The following SFTPC variants were observed in gnomAD, a reference collection of about 807,000 sequenced individuals.
SFTPC encodes surfactant protein C, also known as BRICHOS domain containing 6.
A neutral mutation model predicts 19.9 loss-of-function variants in SFTPC; 12 were observed. The observed-to-expected ratio is 0.60, with a 90% CI of 0.39 to 0.98. SFTPC has a LOEUF of 0.98. SFTPC is among the 50% of genes least tolerant of loss of function. The pLI, the probability that SFTPC is intolerant of heterozygous loss-of-function variation, is 0.00. For synonymous variants in SFTPC, 123 were observed against 103.3 expected (o/e 1.19, Z -1.16); for missense variants, 219 against 252.2 (o/e 0.87, Z 0.89).
chr8:22,162,939 C>A, intron 2 of SFTPC, 141 bp from the exon 3 acceptor site: 2 of 1,379,156 alleles, frequency 1.5e-6, no homozygotes, highest in South Asian at 1.2e-5. Flanking sequence ...CAGCTCCCTC[C>A]AGCACCTGGT....
At chr8:22,158,161 G>A (rs538939424), upstream of SFTPC, among the ~76,000 whole-genome samples, 7 of 152,294 alleles carry the variant, frequency 4.6e-5, no homozygotes, top group African/African-American at 1.7e-4. Context: ...TCCAGGGAAC[G>A]AAGACCACTG....
intron 2 of SFTPC, 58 bp from the exon 3 acceptor site, chr8:22,163,022 G>A: frequency 1.2e-6 from 2 of 1,609,746 alleles, no homozygotes; most frequent in Non-Finnish European, 1.7e-6. Context: ...TATGGGGATG[G>A]GTACCACTGG....
chr8:22,163,452 A>G lies in SFTPC; in HGVS notation c.341A>G (p.Lys114Arg). 1 of 1,614,042 alleles carries G rather than the reference A, an allele frequency of 6.2e-7. No individual in the cohort carries two copies. Among genetic ancestry groups the G allele is most frequent in the Non-Finnish European group, 8.5e-7 (1 of 1,179,954 alleles). ...TGTGCCTAGCTGCTGATCGCCTACA[A>G]GCCAGCCCCTGGCACCTGCTGCTAC... ...YDYQQLLIAY[K>R]PAPGTCCYIM... The change falls in exon 4 of 6, where the codon AAG (lysine) becomes AGG (arginine). Residue 114 changes from lysine to arginine, a missense_variant. Lys to Arg is a conservative substitution (Grantham distance 26, BLOSUM62 2). Coordinates refer to ENST00000679463, the MANE Select transcript of SFTPC (RefSeq NM_001317778.2).
At chr8:22,161,725 A>G, upstream of SFTPC, 2 of 1,611,480 alleles carry the variant, frequency 1.2e-6, no homozygotes, top group Non-Finnish European at 1.7e-6. Context: ...GCTGGCACAC[A>G]GGGGGCTTGG....
upstream of SFTPC, chr8:22,161,578 C>A: frequency 8.5e-7 from 1 of 1,169,820 alleles, no homozygotes; most frequent in Non-Finnish European, 1.2e-6. Flanking sequence ...TTGCTCAACT[C>A]ACCCAGGTTT....
At chr8:22,158,383 C>T (rs757545679), upstream of SFTPC, among the ~76,000 whole-genome samples, 23 of 152,286 alleles carry the variant, frequency 1.5e-4, no homozygotes, top group Middle Eastern at 3.4e-3. Context: ...TGTCCCCACC[C>T]GTCCCTGGCA....
At chr8:22,163,850 A>C in intron 4 of SFTPC, 51 bp from the exon 5 acceptor site, 1 of 1,509,638 alleles carries the variant, frequency 6.6e-7, no homozygotes, top group Non-Finnish European at 9.2e-7. Flanking sequence ...TAAGGGCTGC[A>C]CATGGGATAG....
intron 5 of SFTPC, 43 bp downstream of exon 5, chr8:22,164,102 G>A: frequency 6.2e-7 from 1 of 1,610,016 alleles, no homozygotes; most frequent in Non-Finnish European, 8.5e-7. Flanking sequence ...GGAGCGCTCG[G>A]GCCACCTGCC....
At chr8:22,158,721 A>G (rs544481879), upstream of SFTPC, 5 of 152,360 alleles carry the variant, frequency 3.3e-5, no homozygotes, top group South Asian at 1.0e-3. Flanking sequence ...AGATGAACAT[A>G]CTAATGCCTA....
upstream of SFTPC, chr8:22,158,710 C>T (rs1470301025): frequency 6.6e-6 from 1 of 152,238 alleles, no homozygotes; most frequent in Admixed American, 6.5e-5. Context: ...ACCCATCTCA[C>T]AGATGAACAT....
upstream of SFTPC, chr8:22,159,422 G>A (rs889153515): frequency 1.0e-4 from 31 of 297,640 alleles, no homozygotes; most frequent in African/African-American, 7.1e-4. Flanking sequence ...GGTAGGGGGA[G>A]GGGGAAATTT....
At chr8:22,159,887 G>A (rs1827645638), upstream of SFTPC, 2 of 1,268,028 alleles carry the variant, frequency 1.6e-6, no homozygotes, top group South Asian at 1.2e-5. Context: ...AATGTTGCCA[G>A]GATGATGGGG....
upstream of SFTPC, chr8:22,161,619 C>G: frequency 1.3e-6 from 2 of 1,495,270 alleles, no homozygotes; most frequent in Non-Finnish European, 1.8e-6. Context: ...GACTCATGTG[C>G]CAGGGCCAAG....
upstream of SFTPC, among the ~76,000 whole-genome samples, chr8:22,161,253 A>T (rs1270163335): frequency 2.6e-5 from 4 of 152,106 alleles, no homozygotes; most frequent in Non-Finnish European, 4.4e-5. Flanking sequence ...GAGTACTTGA[A>T]GTTGGAACTG....
At chr8:22,163,278 T>C in intron 3 of SFTPC, 76 bp downstream of exon 3, 3 of 1,593,724 alleles carry the variant, frequency 1.9e-6, no homozygotes, top group Non-Finnish European at 1.7e-6. Context: ...GGCCACTTCA[T>C]CCACATCCAT....
intron 2 of SFTPC, 125 bp downstream of exon 2, chr8:22,162,857 G>A (rs1827811158): frequency 1.4e-6 from 2 of 1,415,474 alleles, no homozygotes; most frequent in East Asian, 2.3e-5. Flanking sequence ...CAGCTAGAAG[G>A]AAAGAGGCAC....
chr8:22,163,564 A>T lies in SFTPC; in HGVS notation c.435+18A>T, dbSNP rs768511860. On this transcript the variant is annotated intron_variant, in intron 4 of 5. Coordinates refer to ENST00000679463, the MANE Select transcript of SFTPC (RefSeq NM_001317778.2). ...ACTTCCAGGTGTGTGTGTGTGGGTG[A>T]AAAGAGTGGGCTGTCTCCCTCCCAG... 1.9e-6 allele frequency: 3 copies of T among 1,549,330 alleles called. No homozygotes were observed. Among genetic ancestry groups the T allele is most frequent in the Admixed American group, 1.7e-5 (1 of 59,866 alleles).
Position 22,161,807 on chromosome 8 carries a change from A to G in SFTPC, c.-22A>G, listed in dbSNP as rs1376224360. 1 of 1,614,092 alleles carries G rather than the reference A, an allele frequency of 6.2e-7. No homozygotes were observed. The highest frequency in any genetic ancestry group is 8.5e-7 in the Non-Finnish European group (1 of 1,180,030). ...GTCACACCTGGGAGAGGAGGAGAGG[A>G]GAGCATAGCACCTGCAGCAAGATGG... On this transcript the variant is annotated 5_prime_UTR_variant, in exon 1 of 6. Coordinates refer to ENST00000679463, the MANE Select transcript of SFTPC (RefSeq NM_001317778.2).
At chr8:22,161,912 CAT>C in intron 1 of SFTPC, 42 bp downstream of exon 1, 2 of 1,593,868 alleles carry the variant, frequency 1.3e-6, no homozygotes, top group Non-Finnish European at 1.7e-6. Flanking sequence ...TGCGCGCGCA[CAT>C]GTGTGTGATG....
Sources: gnomAD v4.1 joint callset for allele counts (sites outside exome capture counted in the v4.1 genomes callset) on GRCh38, gnomAD v4.1.1 for gene constraint, MANE v1.5 for transcripts, NCBI Gene and HGNC (gene_info 2026-07-23, HGNC 2026-07-21) for gene names.